Variants in APBB1IP observed in about 807,000 individuals in gnomAD.
APBB1IP encodes the protein amyloid beta precursor protein binding family B member 1 interacting protein.
A neutral mutation model predicts 64.9 loss-of-function variants in APBB1IP; 27 were observed. The observed-to-expected ratio is 0.42, with a 90% confidence interval of 0.31 to 0.57. The LOEUF (loss-of-function observed/expected upper bound fraction) is 0.57. Ranked by LOEUF, APBB1IP falls within the 20% of genes least tolerant of loss-of-function variation. APBB1IP has a pLI of 0.20. For synonymous variants in APBB1IP, 392 were observed against 331.0 expected (o/e 1.18, Z -2.00); for missense variants, 812 against 845.5 (o/e 0.96, Z 0.49).
chr10:26,510,734 T>TCTCTCTCTCACA (rs375916170), intron 6 of APBB1IP, among the ~76,000 whole-genome samples: 25 of 135,984 alleles, frequency 1.8e-4, no homozygotes, highest in South Asian at 1.7e-3. Context: ...AGACCCTGTC[T>TCTCTCTCTCACA]CACACACACA....
chr10:26,512,022 C>A, intron 7 of APBB1IP, 116 bp downstream of exon 7: 2 of 1,191,990 alleles, frequency 1.7e-6, no homozygotes, highest in Admixed American at 2.6e-5. Flanking sequence ...TAGACACATG[C>A]TCTCACTATG....
intron 8 of APBB1IP, among the ~76,000 whole-genome samples, chr10:26,531,182 A>G (rs1316649448): frequency 6.6e-6 from 1 of 151,906 alleles, no homozygotes; most frequent in Admixed American, 6.6e-5. Context: ...TAAAAATACA[A>G]AAAGTTAGCT....
chr10:26,439,694 T>C (rs553184941), intron 2 of APBB1IP, among the ~76,000 whole-genome samples: 122 of 152,296 alleles, frequency 8.0e-4, no homozygotes, highest in African/African-American at 2.9e-3. Flanking sequence ...GAACTTTTAA[T>C]GTGATCCTTG....
rs56982662 is a variant in APBB1IP at position 26,524,955 on chromosome 10, C to CTTTT, written c.814-8468_814-8465dup. On this transcript the variant is annotated intron_variant, in intron 8 of 14. Coordinates refer to ENST00000376236, the MANE Select transcript of APBB1IP (RefSeq NM_019043.4). ...TCTTTTTCTTTCTCTTTCTTTCTTT[C>CTTTT]TTTTTTTTTTTTTTTTTTTATAAAA... Among the ~76,000 whole-genome samples, 498 of 73,950 alleles carry CTTTT rather than the reference C, an allele frequency of 6.7e-3. 19 individuals carry two copies. Among genetic ancestry groups the CTTTT allele is most frequent in the South Asian group, 7.6e-3 (15 of 1,972 alleles). The allele number at this position is 73,950 out of a possible 152,430, so 48.5% of individuals were successfully genotyped here. A position where few individuals can be genotyped will look rare whatever the true frequency, so the allele number is the denominator to read the frequency against.
intron 2 of APBB1IP, among the ~76,000 whole-genome samples, chr10:26,470,918 G>A (rs1055006842): frequency 6.6e-6 from 1 of 152,072 alleles, no homozygotes; most frequent in Non-Finnish European, 1.5e-5. Context: ...CCAGGCATCT[G>A]GGGTAGCTCC....
chr10:26,567,632 A>T lies in APBB1IP; in HGVS notation c.*144A>T. On this transcript the variant is annotated 3_prime_UTR_variant, in exon 15 of 15. Transcript: ENST00000376236. ...ACTGATGTGCTCAAGTACAGGCATAACCATTAACCCAGTAGAGTTCAGAAT... is the reference window on the plus strand; with the variant it reads ...ACTGATGTGCTCAAGTACAGGCATATCCATTAACCCAGTAGAGTTCAGAAT... The T allele has an allele frequency of 7.0e-7, 1 of 1,420,878 alleles. No homozygotes were observed. 88.0% of individuals were successfully genotyped at this position (1,420,878 alleles called of 1,614,324 possible). A position where few individuals can be genotyped will look rare whatever the true frequency, so the allele number is the denominator to read the frequency against.
intron 6 of APBB1IP, among the ~76,000 whole-genome samples, chr10:26,506,737 C>T (rs192595995): frequency 1.3e-5 from 2 of 152,264 alleles, no homozygotes; most frequent in Admixed American, 1.3e-4. Flanking sequence ...CAATGCATCC[C>T]CATCTCTTAG....
At chr10:26,523,231 G>T (rs1307204489) in intron 8 of APBB1IP, among the ~76,000 whole-genome samples, 1 of 152,154 alleles carries the variant, frequency 6.6e-6, no homozygotes, top group Non-Finnish European at 1.5e-5. Context: ...GGGAACAGAA[G>T]AATGCCATTC....
chr10:26,466,178 C>G (rs1249107821), intron 2 of APBB1IP, among the ~76,000 whole-genome samples: 2 of 152,208 alleles, frequency 1.3e-5, no homozygotes, highest in Non-Finnish European at 2.9e-5. Flanking sequence ...CCTTCTACAG[C>G]CCCTCCGGGT....
chr10:26,534,600 C>T (rs1373810373), intron 9 of APBB1IP, among the ~76,000 whole-genome samples: 1 of 152,148 alleles, frequency 6.6e-6, no homozygotes, highest in Non-Finnish European at 1.5e-5. Context: ...ATTAAGGTTC[C>T]GCCCAGGCCT....
chr10:26,482,671 G>A (rs749508552), intron 2 of APBB1IP, among the ~76,000 whole-genome samples: 14 of 152,138 alleles, frequency 9.2e-5, no homozygotes, highest in Middle Eastern at 3.4e-3. Flanking sequence ...TTGCCAGATG[G>A]TTTCTAATTA....
intron 11 of APBB1IP, among the ~76,000 whole-genome samples, chr10:26,553,567 A>G (rs1030812068): frequency 6.6e-6 from 1 of 152,110 alleles, no homozygotes; most frequent in Non-Finnish European, 1.5e-5. Flanking sequence ...TCGGGGTGGG[A>G]GAATCACTTG....
intron 8 of APBB1IP, among the ~76,000 whole-genome samples, chr10:26,514,181 G>T (rs1283788503): frequency 2.0e-5 from 3 of 152,110 alleles, no homozygotes; most frequent in Admixed American, 1.3e-4. Flanking sequence ...AGAAAGAAAA[G>T]AATCCATTTT....
intron 2 of APBB1IP, among the ~76,000 whole-genome samples, chr10:26,475,867 A>G (rs1835769351): frequency 6.6e-6 from 1 of 151,630 alleles, no homozygotes; most frequent in Non-Finnish European, 1.5e-5. Flanking sequence ...TTGTTTTTTA[A>G]CCCAGGTCGA....
chr10:26,509,488 C>T (rs1002489798), intron 6 of APBB1IP: 5 of 152,198 alleles, frequency 3.3e-5, no homozygotes, highest in African/African-American at 1.2e-4. Flanking sequence ...TGGTTACCAC[C>T]ACACACACCC....
chr10:26,479,678 T>C (rs1289842839), intron 2 of APBB1IP, among the ~76,000 whole-genome samples: 2 of 152,224 alleles, frequency 1.3e-5, no homozygotes, highest in African/African-American at 4.8e-5. Context: ...TTAAATAACT[T>C]GCTGATGTAT....
At chr10:26,474,624 G>T (rs1458876984) in intron 2 of APBB1IP, among the ~76,000 whole-genome samples, 1 of 152,080 alleles carries the variant, frequency 6.6e-6, no homozygotes, top group Non-Finnish European at 1.5e-5. Flanking sequence ...TGTATCTGTT[G>T]GTTTAAAAAA....
intron 10 of APBB1IP, among the ~76,000 whole-genome samples, chr10:26,537,429 C>T (rs1418146582): frequency 6.6e-6 from 1 of 152,200 alleles, no homozygotes; most frequent in Non-Finnish European, 1.5e-5. Flanking sequence ...AGGACAGCTA[C>T]TGTTCTCCTT....
intron 11 of APBB1IP, among the ~76,000 whole-genome samples, chr10:26,556,314 C>T (rs1836894412): frequency 6.6e-6 from 1 of 152,212 alleles, no homozygotes; most frequent in African/African-American, 2.4e-5. Flanking sequence ...GTGACTTGCT[C>T]TATAATGTCT....
Sources: gnomAD v4.1 joint callset for allele counts (sites outside exome capture counted in the v4.1 genomes callset) on GRCh38, gnomAD v4.1.1 for gene constraint, MANE v1.5 for transcripts, NCBI Gene and HGNC (gene_info 2026-07-23, HGNC 2026-07-21) for gene names.